The following C16orf74 variants were observed in gnomAD, a reference collection of about 807,000 sequenced individuals.
The protein encoded by C16orf74 is uncharacterized protein C16orf74.
C16orf74 carries 10 observed loss-of-function variants against 6.5 expected under a neutral mutation model. The ratio of observed to expected loss-of-function variants is 1.54; its 90% CI spans 0.95 to 2.61. The LOEUF is 2.61. Among genes scored for constraint, C16orf74 ranks in the 30% most tolerant of loss-of-function variants. The pLI, the probability that C16orf74 is intolerant of heterozygous loss-of-function variation, is 0.00. For synonymous variants in C16orf74, 60 were observed against 42.5 expected (o/e 1.41, Z -1.60); for missense variants, 141 against 105.9 (o/e 1.33, Z -1.45).
intron 1 of C16orf74, among the ~76,000 whole-genome samples, chr16:85,745,453 G>A (rs1211129639): frequency 6.6e-6 from 1 of 152,226 alleles, no homozygotes; most frequent in African/African-American, 2.4e-5. Flanking sequence ...GCCCTCTACA[G>A]ATTTTCAGTG....
At chr16:85,723,731 G>A (rs2054105717) in intron 2 of C16orf74, among the ~76,000 whole-genome samples, 1 of 152,242 alleles carries the variant, frequency 6.6e-6, no homozygotes, top group Non-Finnish European at 1.5e-5. Flanking sequence ...GAGGGTGGTG[G>A]GGCGTGCACG....
intron 2 of C16orf74, among the ~76,000 whole-genome samples, chr16:85,716,565 G>A (rs2054026257): frequency 6.8e-6 from 1 of 147,652 alleles, no homozygotes; most frequent in Admixed American, 6.7e-5. Flanking sequence ...AGGGAGGGAA[G>A]GGGAGAGGGA....
intron 2 of C16orf74, among the ~76,000 whole-genome samples, chr16:85,719,458 G>A (rs2054057416): frequency 6.6e-6 from 1 of 152,144 alleles, no homozygotes; most frequent in Non-Finnish European, 1.5e-5. Context: ...GACTGTGTGA[G>A]TGCCTCTGGG....
At chr16:85,712,929 G>C (rs2053984800) in intron 2 of C16orf74, among the ~76,000 whole-genome samples, 1 of 152,194 alleles carries the variant, frequency 6.6e-6, no homozygotes, top group Non-Finnish European at 1.5e-5. Context: ...CATGCCCGGA[G>C]AGACAGCAGC....
intron 1 of C16orf74, among the ~76,000 whole-genome samples, chr16:85,738,476 C>A (rs1210686580): frequency 6.7e-6 from 1 of 149,026 alleles, no homozygotes; most frequent in African/African-American, 2.5e-5. Flanking sequence ...AGGCGTGCAC[C>A]ATGACACCCA....
rs1176423866 is a variant in C16orf74, at chr16:85,749,885, G to T, written c.-19+1041C>A. Among the ~76,000 whole-genome samples the T allele has an allele frequency of 2.0e-5, 3 of 152,202 alleles. No homozygotes were observed. The East Asian group carries it at 5.8e-4, about 29-fold the overall frequency. On this transcript the variant is annotated intron_variant, in intron 1 of 3. Transcript: ENST00000284245. Reference sequence around the variant, plus strand: ...TTCAGCCTCCTTGGGGCTGGTGAGGGATTAAGTGTTTCCATAAATACACGG... The same window carrying T: ...TTCAGCCTCCTTGGGGCTGGTGAGGTATTAAGTGTTTCCATAAATACACGG...
At chr16:85,737,550 C>G (rs2054258093) in intron 1 of C16orf74, among the ~76,000 whole-genome samples, 1 of 152,222 alleles carries the variant, frequency 6.6e-6, no homozygotes, top group South Asian at 2.1e-4. Flanking sequence ...AAGCTTACGC[C>G]TGGGCGCGGT....
chr16:85,715,173 G>A (rs1275122307), intron 2 of C16orf74, among the ~76,000 whole-genome samples: 1 of 140,978 alleles, frequency 7.1e-6, no homozygotes. Flanking sequence ...AAAAAAAAAA[G>A]AAGAGAACAT....
chr16:85,723,259 CAAAAA>C (rs5818553), intron 2 of C16orf74, among the ~76,000 whole-genome samples: 2,717 of 60,058 alleles, frequency 0.045, 81 homozygotes, highest in African/African-American at 0.16. Flanking sequence ...GACTCCATCT[CAAAAA>C]AAAAAAAAAA....
At chr16:85,729,936 G>C (rs1381082898) in intron 2 of C16orf74, among the ~76,000 whole-genome samples, 2 of 152,184 alleles carry the variant, frequency 1.3e-5, no homozygotes, top group Non-Finnish European at 2.9e-5. Context: ...GTGGTCATTT[G>C]TCACAGCAGC....
At chr16:85,749,117 A>G (rs7202332) in intron 1 of C16orf74, among the ~76,000 whole-genome samples, 9,098 of 149,976 alleles carry the variant, frequency 0.061, 479 homozygotes, top group Admixed American at 0.17. Context: ...ATGATGGGGG[A>G]TTATACTTAG....
intron 3 of C16orf74, 31 bp downstream of exon 3, chr16:85,710,133 C>T: frequency 2.9e-6 from 4 of 1,392,482 alleles, no homozygotes; most frequent in Non-Finnish European, 3.7e-6. Context: ...CCACAGCCGA[C>T]CCGGCTTGGC....
chr16:85,736,137 G>C lies in C16orf74; in HGVS notation c.-18-902C>G, dbSNP rs142128969. ...CCGTGGGAGGAACCCCAGGGGATGGGAGGTCAGGCAGGAACAGGTGGGGAG... is the reference window on the plus strand; with the variant it reads ...CCGTGGGAGGAACCCCAGGGGATGGCAGGTCAGGCAGGAACAGGTGGGGAG... On this transcript the variant is annotated intron_variant, in intron 1 of 3. Transcript: ENST00000284245. Among the ~76,000 whole-genome samples the C allele has an allele frequency of 4.4e-3, 665 of 152,324 alleles. 4 individuals are homozygous for C. The highest frequency in any genetic ancestry group is 0.015 in the African/African-American group (622 of 41,564).
In C16orf74 at chr16:85,707,879, G is replaced by A. The variant is rs946973248; in HGVS notation, c.*129C>T. ...CGCTGGTCCTGCCACGTCTCTCTGA[G>A]CGGAGGCCCGGGTTCGCTCAGTTCC... On this transcript the variant is annotated 3_prime_UTR_variant, in exon 4 of 4. Coordinates refer to ENST00000284245, the MANE Select transcript of C16orf74 (RefSeq NM_206967.3). 4.2e-6 allele frequency: 3 copies of A among 720,460 alleles called. No homozygotes were observed. Among genetic ancestry groups the A allele is most frequent in the African/African-American group, 1.8e-5 (1 of 56,816 alleles). The allele number at this position is 720,460 out of a possible 1,614,324, so 44.6% of individuals were successfully genotyped here.
rs1598775334 is a variant in C16orf74, at chr16:85,708,019, G to A, written c.220C>T (p.Pro74Ser). The change falls in exon 4 of 4, where the codon CCA becomes TCA. Residue 74 changes from proline (P) to serine (S), a missense_variant. Coordinates refer to ENST00000284245, the MANE Select transcript of C16orf74 (RefSeq NM_206967.3). ...GSCPDDGEID[P>S]EA ...CCCAGGACACCTCCTCAGGCTTCTG[G>A]GTCGATTTCTCCATCATCTGGGCAC... 6.4e-7 allele frequency: 1 copy of A among 1,552,958 alleles called. No homozygotes were observed. Among genetic ancestry groups the A allele is most frequent in the African/African-American group, 1.4e-5 (1 of 73,232 alleles).
chr16:85,744,424 G>A (rs926705376), intron 1 of C16orf74, among the ~76,000 whole-genome samples: 6 of 151,844 alleles, frequency 4.0e-5, no homozygotes, highest in South Asian at 4.2e-4. Context: ...AAAAACTTCC[G>A]TTTCATATTG....
intron 2 of C16orf74, among the ~76,000 whole-genome samples, chr16:85,716,048 G>A (rs1016379370): frequency 2.6e-5 from 4 of 151,874 alleles, no homozygotes; most frequent in Admixed American, 1.3e-4. Context: ...GCTGATGATC[G>A]TGTCTGTAAC....
At chr16:85,740,718 T>G (rs1306831889) in intron 1 of C16orf74, among the ~76,000 whole-genome samples, 1 of 134,382 alleles carries the variant, frequency 7.4e-6, no homozygotes, top group Non-Finnish European at 1.6e-5. Flanking sequence ...AAAAAAATTA[T>G]CCGGGCTTGG....
At chr16:85,732,009 A>C (rs1316052216) in intron 2 of C16orf74, among the ~76,000 whole-genome samples, 1 of 152,242 alleles carries the variant, frequency 6.6e-6, no homozygotes, top group Non-Finnish European at 1.5e-5. Flanking sequence ...AATTGAGTTA[A>C]GGATCTTGGG....
Sources: allele counts gnomAD v4.1 joint callset (sites outside exome capture counted in the v4.1 genomes callset), GRCh38; gene constraint gnomAD v4.1.1; transcripts MANE v1.5; gene names NCBI Gene and HGNC (gene_info 2026-07-23, HGNC 2026-07-21).